The following FRAS1 variants were observed in gnomAD, a reference collection of about 807,000 sequenced individuals.
The protein encoded by FRAS1 is Fraser extracellular matrix complex subunit 1.
FRAS1 carries 290 observed loss-of-function variants against 435.2 expected under a neutral mutation model. The observed-to-expected ratio is 0.67, with a 90% CI of 0.61 to 0.73. The LOEUF (loss-of-function observed/expected upper bound fraction) is 0.73. FRAS1 is among the 30% of genes least tolerant of loss of function. The pLI, the probability that FRAS1 is intolerant of heterozygous loss-of-function variation, is 0.00. For synonymous variants in FRAS1, 1,800 were observed against 1,851.0 expected (o/e 0.97, Z 0.71); for missense variants, 4,860 against 5,001.5 (o/e 0.97, Z 0.85).
intron 2 of FRAS1, among the ~76,000 whole-genome samples, chr4:78,114,110 C>G (rs10010094): frequency 0.22 from 32,845 of 151,914 alleles, 3,870 homozygotes; most frequent in Admixed American, 0.29. Context: ...GCTTGTTTTT[C>G]TCAGGTTTGT....
At chr4:78,344,006 G>A (rs1196804669) in intron 20 of FRAS1, among the ~76,000 whole-genome samples, 6 of 151,746 alleles carry the variant, frequency 4.0e-5, no homozygotes, top group South Asian at 2.1e-4. Flanking sequence ...GCCTTATTTT[G>A]ATCACCAAAT....
intron 47 of FRAS1, among the ~76,000 whole-genome samples, chr4:78,455,596 G>A (rs775369503): frequency 6.6e-6 from 1 of 152,188 alleles, no homozygotes; most frequent in Non-Finnish European, 1.5e-5. Context: ...TTTTCATGCT[G>A]TCTTGCTTGG....
intron 2 of FRAS1, among the ~76,000 whole-genome samples, chr4:78,219,566 C>T (rs1462799623): frequency 1.3e-5 from 2 of 152,116 alleles, no homozygotes; most frequent in Non-Finnish European, 2.9e-5. Context: ...AGCCACCTGC[C>T]AGACCAGATT....
At chr4:78,199,980 A>G (rs934368762) in intron 2 of FRAS1, among the ~76,000 whole-genome samples, 1 of 152,208 alleles carries the variant, frequency 6.6e-6, no homozygotes, top group Admixed American at 6.5e-5. Flanking sequence ...ATTATAGGGT[A>G]GAAGATATGA....
chr4:78,515,953 T>A lies in FRAS1; in HGVS notation c.10329T>A (p.Ala3443=), dbSNP rs773562861. The change falls in exon 66 of 74, where the codon GCT becomes GCA. Residue 3443 remains alanine (A), a synonymous_variant. Coordinates refer to ENST00000512123, the MANE Select transcript of FRAS1 (RefSeq NM_025074.7). ...NLKSCVWTFD[A]YYDMTELIDV... ...AGAGCTGCGTGTGGACCTTTGATGC[T>A]TATTATGACATGACTGAGCTGATTG... 6.2e-7 allele frequency: 1 copy of A among 1,613,978 alleles called. No individual in the cohort carries two copies. The highest frequency in any genetic ancestry group is 1.7e-5 in the Admixed American group (1 of 60,028).
chr4:78,464,354 T>A, intron 48 of FRAS1, 89 bp from the exon 49 acceptor site: 1 of 1,547,890 alleles, frequency 6.5e-7, no homozygotes, highest in Non-Finnish European at 8.8e-7. Flanking sequence ...AAGCAATGTG[T>A]GAAAGAGAAA....
intron 2 of FRAS1, among the ~76,000 whole-genome samples, chr4:78,117,229 G>C (rs1718647881): frequency 6.6e-6 from 1 of 152,296 alleles, no homozygotes; most frequent in African/African-American, 2.4e-5. Flanking sequence ...TTCCCTTTGT[G>C]GGTAACCTGA....
At chr4:78,083,154 C>T (rs1457466148) in intron 2 of FRAS1, among the ~76,000 whole-genome samples, 8 of 152,198 alleles carry the variant, frequency 5.3e-5, no homozygotes, top group Non-Finnish European at 1.2e-4. Flanking sequence ...CTTGAGGAGG[C>T]TTCATGCTGC....
chr4:78,539,146 C>CT lies in FRAS1; in HGVS notation c.11299-146dup, dbSNP rs773535147. The CT allele has an allele frequency of 3.6e-4, 242 of 667,080 alleles. 1 individual carries two copies. Among genetic ancestry groups the CT allele is most frequent in the Non-Finnish European group, 2.1e-4 (88 of 411,122 alleles). 41.3% of individuals were successfully genotyped at this position (667,080 alleles called of 1,614,324 possible). A position where few individuals can be genotyped will look rare whatever the true frequency, so the allele number is the denominator to read the frequency against. ...CCAAACCATATCAGGCAGCCACTGACTTATGGAGAGGGCTTCACAGCACAT... is the reference window on the plus strand; with the variant it reads ...CCAAACCATATCAGGCAGCCACTGACTTTATGGAGAGGGCTTCACAGCACAT... On this transcript the variant is annotated intron_variant, in intron 72 of 73. Coordinates refer to ENST00000512123, the MANE Select transcript of FRAS1 (RefSeq NM_025074.7).
At chr4:78,400,651 C>T in intron 29 of FRAS1, 83 bp from the exon 30 acceptor site, 1 of 1,360,794 alleles carries the variant, frequency 7.3e-7, no homozygotes, top group South Asian at 1.4e-5. Flanking sequence ...TTAACAACAA[C>T]AGAACTGGAT....
rs62307993 is a variant in FRAS1 at position 78,128,481 on chromosome 4, G to A, written c.108+62465G>A. Among the ~76,000 whole-genome samples the A allele has an allele frequency of 2.3e-4, 35 of 152,148 alleles. 1 individual carries two copies. Among genetic ancestry groups the A allele is most frequent in the South Asian group, 6.2e-4 (3 of 4,822 alleles). ...GAGATGGTATCTCATTGTGGTTTTGGTTTGCATTTCTCTGATAGCCAGTGA... is the reference window on the plus strand; with the variant it reads ...GAGATGGTATCTCATTGTGGTTTTGATTTGCATTTCTCTGATAGCCAGTGA... On this transcript the variant is annotated intron_variant, in intron 2 of 73. Transcript: ENST00000512123.
At position 78,204,234 on chromosome 4, in the gene FRAS1, G is replaced by C. The variant is rs549915922; in HGVS notation, c.109-33276G>C. On this transcript the variant is annotated intron_variant, in intron 2 of 73. Coordinates refer to ENST00000512123, the MANE Select transcript of FRAS1 (RefSeq NM_025074.7). ...TCCCAAGCCTATATTTCCCCTAAGA[G>C]CAGTGGTTCAATATTTATTAATTCA... Among the ~76,000 whole-genome samples, 129 of 152,322 alleles carry C rather than the reference G, an allele frequency of 8.5e-4. 5 individuals carry two copies. The South Asian group carries it at 0.026, about 31-fold the overall frequency.
intron 2 of FRAS1, among the ~76,000 whole-genome samples, chr4:78,149,433 G>T (rs1448051073): frequency 6.6e-6 from 1 of 152,178 alleles, no homozygotes; most frequent in East Asian, 1.9e-4. Flanking sequence ...ACAGTGCACT[G>T]TAGACTGTCC....
At position 78,311,664 on chromosome 4, in the gene FRAS1, C is replaced by G. The variant is rs534121320; in HGVS notation, c.1678+3455C>G. On this transcript the variant is annotated intron_variant, in intron 15 of 73. Coordinates refer to ENST00000512123, the MANE Select transcript of FRAS1 (RefSeq NM_025074.7). ...AGTGCCGGGTTACTTGCCAGAATGG[C>G]TGTGCAATCTATATTCCCAAGCATA... 2.6e-5 allele frequency among the ~76,000 whole-genome samples: 4 copies of G among 152,352 alleles called. No individual in the cohort carries two copies. The South Asian group carries it at 6.2e-4, about 24-fold the overall frequency.
intron 63 of FRAS1, among the ~76,000 whole-genome samples, chr4:78,509,418 C>G (rs55684284): frequency 0.32 from 49,315 of 151,946 alleles, 8,655 homozygotes; most frequent in South Asian, 0.52. Flanking sequence ...TCCAATCGTT[C>G]AATAAGTATT....
intron 2 of FRAS1, among the ~76,000 whole-genome samples, chr4:78,177,337 T>C (rs747424794): frequency 6.6e-6 from 1 of 152,230 alleles, no homozygotes; most frequent in African/African-American, 2.4e-5. Flanking sequence ...TTCTTTATGT[T>C]ATTCTAAATG....
At chr4:78,130,954 A>C (rs373397506) in intron 2 of FRAS1, among the ~76,000 whole-genome samples, 1 of 152,202 alleles carries the variant, frequency 6.6e-6, no homozygotes, top group Non-Finnish European at 1.5e-5. Context: ...GTTAATAGCT[A>C]TTATTTCCAC....
chr4:78,095,671 A>G (rs1741766616), intron 2 of FRAS1, among the ~76,000 whole-genome samples: 1 of 152,236 alleles, frequency 6.6e-6, no homozygotes, highest in African/African-American at 2.4e-5. Context: ...GCAGGCAAAA[A>G]GAGAGTTTGT....
chr4:78,212,792 C>T (rs747938338), intron 2 of FRAS1, among the ~76,000 whole-genome samples: 1 of 152,116 alleles, frequency 6.6e-6, no homozygotes, highest in African/African-American at 2.4e-5. Flanking sequence ...AGGTTGAATT[C>T]CCTGAGAAAT....
Sources: gnomAD v4.1 joint callset for allele counts (sites outside exome capture counted in the v4.1 genomes callset) on GRCh38, gnomAD v4.1.1 for gene constraint, MANE v1.5 for transcripts, NCBI Gene and HGNC (gene_info 2026-07-23, HGNC 2026-07-21) for gene names.